The following CAP2 variants were observed in gnomAD, a reference collection of about 807,000 sequenced individuals.
CAP2 encodes cyclase associated actin cytoskeleton regulatory protein 2.
In CAP2, 24 loss-of-function variants were observed where a neutral mutation model predicts 57.7. The ratio of observed to expected loss-of-function variants is 0.42; its 90% CI spans 0.30 to 0.58. CAP2 has a LOEUF of 0.58. Ranked by LOEUF, CAP2 falls within the 20% of genes least tolerant of loss-of-function variation. The pLI is 0.22. For missense variants in CAP2, 501 were observed against 590.3 expected, an observed-to-expected ratio of 0.85 and a Z score of 1.57; for synonymous variants, 194 against 207.2, an observed-to-expected ratio of 0.94 and a Z score of 0.55.
chr6:17,547,643 C>T (rs931831732), intron 11 of CAP2, among the ~76,000 whole-genome samples: 12 of 152,088 alleles, frequency 7.9e-5, no homozygotes, highest in Admixed American at 5.2e-4. Context: ...AGATTGAGAC[C>T]ATCCTGGCTA....
chr6:17,526,875 G>A (rs1337181459), intron 7 of CAP2, among the ~76,000 whole-genome samples: 1 of 148,286 alleles, frequency 6.7e-6, no homozygotes, highest in African/African-American at 2.5e-5. Context: ...GAGAATCGCT[G>A]GAACCCAGGA....
At position 17,513,028 on chromosome 6, in the gene CAP2, C is replaced by A. The variant is rs1762193983; in HGVS notation, c.531-821C>A. 6.6e-6 allele frequency among the ~76,000 whole-genome samples: 1 copy of A among 152,104 alleles called. No individual in the cohort carries two copies. Among genetic ancestry groups the A allele is most frequent in the Admixed American group, 6.6e-5 (1 of 15,260 alleles). ...GTCATTATTTTTGCATTTACCTTGACTTCTATAAGTGAGAAAAAATATATT... is the reference window on the plus strand; with the variant it reads ...GTCATTATTTTTGCATTTACCTTGAATTCTATAAGTGAGAAAAAATATATT... On this transcript the variant is annotated intron_variant, in intron 6 of 12. Transcript: ENST00000229922. The surrounding 1 kb of genome is among the most constrained non-coding windows in gnomAD (Gnocchi z 4.3).
In CAP2 at chr6:17,543,088, T is replaced by C. The variant is rs1342941899; in HGVS notation, c.1154T>C (p.Phe385Ser). The change falls in exon 11 of 13, where the codon TTT (phenylalanine) becomes TCT (serine). Residue 385 changes from phenylalanine (F) to serine (S), a missense_variant. Physicochemically the swap from Phe to Ser is radical, Grantham distance 155. Coordinates refer to ENST00000229922, the MANE Select transcript of CAP2 (RefSeq NM_006366.3). ...AACTGTAAAAAACTCGGCCTGGTGT[T>C]TGACAATGTGGTGGGCATTGTGGAA... ...IDNCKKLGLV[F>S]DNVVGIVEVI... 3 of 1,614,144 alleles carry C rather than the reference T, an allele frequency of 1.9e-6. No individual in the cohort carries two copies. In the South Asian group the frequency reaches 3.3e-5, roughly 18 times the overall value.
Position 17,545,957 on chromosome 6 carries a change from G to A in CAP2, c.1209+2814G>A, listed in dbSNP as rs182299417. Among the ~76,000 whole-genome samples the A allele has an allele frequency of 2.0e-5, 3 of 152,274 alleles. No homozygotes were observed. In the East Asian group the frequency reaches 5.8e-4, roughly 29 times the overall value. The stretch of plus-strand genomic sequence containing the variant: ...CAGTCTATCATTGTTGGACATTTGG[G>A]TTGGTTCCAAGTCTTTGCTATTGCG... On this transcript the variant is annotated intron_variant, in intron 11 of 12. Transcript: ENST00000229922.
rs188535392 is a variant in CAP2, at chr6:17,439,727, A to G, written c.222+13037A>G. ...TGTTCACAATAGGGTTCATGCTCCTATGAGAATCTAATGCCATTGCTGATC... is the reference window on the plus strand; with the variant it reads ...TGTTCACAATAGGGTTCATGCTCCTGTGAGAATCTAATGCCATTGCTGATC... On this transcript the variant is annotated intron_variant, in intron 3 of 12. Coordinates refer to ENST00000229922, the MANE Select transcript of CAP2 (RefSeq NM_006366.3). Among the ~76,000 whole-genome samples, 849 of 151,592 alleles carry G rather than the reference A, an allele frequency of 5.6e-3. 8 individuals are homozygous for G. The highest frequency in any genetic ancestry group is 8.5e-3 in the Non-Finnish European group (581 of 68,002).
chr6:17,520,992 G>T (rs1581591307), intron 7 of CAP2, among the ~76,000 whole-genome samples: 1 of 152,350 alleles, frequency 6.6e-6, no homozygotes, highest in Admixed American at 6.5e-5. Flanking sequence ...CCTGGCCAGT[G>T]TACCTGACCA....
chr6:17,474,569 C>T (rs6939010), intron 4 of CAP2, among the ~76,000 whole-genome samples: 3,537 of 152,212 alleles, frequency 0.023, 132 homozygotes, highest in African/African-American at 0.076. Context: ...GCACTTAGCA[C>T]GTCTGCATCT....
At chr6:17,526,409 C>T (rs943469143) in intron 7 of CAP2, among the ~76,000 whole-genome samples, 3 of 151,980 alleles carry the variant, frequency 2.0e-5, no homozygotes, top group Non-Finnish European at 2.9e-5. Context: ...TCAGCCACCG[C>T]ACCCAGCCAA....
intron 3 of CAP2, among the ~76,000 whole-genome samples, chr6:17,438,894 C>T (rs1034010348): frequency 4.0e-5 from 6 of 150,272 alleles, no homozygotes; most frequent in South Asian, 2.1e-4. Context: ...GGGCAGATGA[C>T]GATGTCAGGA....
intron 1 of CAP2, among the ~76,000 whole-genome samples, chr6:17,395,510 A>C (rs1190955722): frequency 1.7e-4 from 26 of 152,196 alleles, no homozygotes; most frequent in Non-Finnish European, 7.4e-5. Flanking sequence ...TTCTAGTAGT[A>C]GTTTGCTACT....
chr6:17,499,613 C>G (rs1038549549), intron 4 of CAP2, among the ~76,000 whole-genome samples: 1 of 151,904 alleles, frequency 6.6e-6, no homozygotes, highest in Admixed American at 6.6e-5. Context: ...CTTTGAGAGG[C>G]TGGGGTGGGA....
chr6:17,466,303 G>A (rs1288859100), intron 4 of CAP2, among the ~76,000 whole-genome samples: 1 of 152,194 alleles, frequency 6.6e-6, no homozygotes, highest in African/African-American at 2.4e-5. Flanking sequence ...TAGCGTGCAT[G>A]ACAGTTCCCT....
At chr6:17,433,736 G>A (rs1379952257) in intron 3 of CAP2, among the ~76,000 whole-genome samples, 6 of 152,334 alleles carry the variant, frequency 3.9e-5, no homozygotes, top group African/African-American at 7.2e-5. Context: ...TCCCAAGAAC[G>A]TGGAGAAGTT....
chr6:17,454,967 A>G (rs1056107307), intron 3 of CAP2, among the ~76,000 whole-genome samples: 1 of 152,082 alleles, frequency 6.6e-6, no homozygotes, highest in African/African-American at 2.4e-5. Context: ...GCCCCTTCGG[A>G]TGGTATGAGT....
Position 17,507,177 on chromosome 6 carries a change from G to A in CAP2, c.309G>A (p.Val103=). 1 of 1,614,170 alleles carries A rather than the reference G, an allele frequency of 6.2e-7. No individual in the cohort carries two copies. The highest frequency in any genetic ancestry group is 8.5e-7 in the Non-Finnish European group (1 of 1,180,014). ...TGTTTGACTGCTTACAGAATGACGT[G>A]GCCGCACTTCTGAAACCCATATCGG... The part of the protein sequence containing the change: ...SQYQQPHEND[V]AALLKPISEK... Residue 103 remains valine, a synonymous_variant, in exon 5 of 13, where the codon GTG becomes GTA. Coordinates refer to ENST00000229922, the MANE Select transcript of CAP2 (RefSeq NM_006366.3).
Position 17,542,916 on chromosome 6 carries a change from A to T in CAP2, c.1082A>T (p.Lys361Ile). Residue 361 changes from lysine (K) to isoleucine (I), a missense_variant, in exon 10 of 13, where the codon AAA (lysine) becomes ATA (isoleucine). Physicochemically the swap from Lys to Ile is moderately radical, Grantham distance 102. Transcript: ENST00000229922. ...KQVAYIFKCE[K>I]STIQIKGKVN... ...GTGGCTTACATTTTCAAATGCGAAAAATCAACTATTCAGATAAAAGGGAAA... is the reference window on the plus strand; with the variant it reads ...GTGGCTTACATTTTCAAATGCGAAATATCAACTATTCAGATAAAAGGGAAA... 1 of 1,613,892 alleles carries T rather than the reference A, an allele frequency of 6.2e-7. No homozygotes were observed. The highest frequency in any genetic ancestry group is 8.5e-7 in the Non-Finnish European group (1 of 1,179,750).
Position 17,507,151 on chromosome 6 carries a change from A to G in CAP2, c.301-18A>G, listed in dbSNP as rs774711374. ...GCTCTGTCTGTAGTAAAAGCCCCCG[A>G]TGTTTGACTGCTTACAGAATGACGT... On this transcript the variant is annotated intron_variant, in intron 4 of 12. Coordinates refer to ENST00000229922, the MANE Select transcript of CAP2 (RefSeq NM_006366.3). 2 of 1,614,168 alleles carry G rather than the reference A, an allele frequency of 1.2e-6. No homozygotes were observed. Among genetic ancestry groups the G allele is most frequent in the South Asian group, 1.1e-5 (1 of 91,074 alleles).
chr6:17,497,870 A>C (rs1486391127), intron 4 of CAP2, among the ~76,000 whole-genome samples: 1 of 152,230 alleles, frequency 6.6e-6, no homozygotes, highest in Non-Finnish European at 1.5e-5. Context: ...GTTAATGTGA[A>C]GGGTTTTCTT....
intron 7 of CAP2, among the ~76,000 whole-genome samples, chr6:17,517,816 G>A (rs997476889): frequency 1.2e-4 from 18 of 152,084 alleles, no homozygotes; most frequent in African/African-American, 3.4e-4. Flanking sequence ...CAAGAGAATC[G>A]CTTGAACCCG....
Sources: gnomAD v4.1 joint callset for allele counts (sites outside exome capture counted in the v4.1 genomes callset) on GRCh38, gnomAD v4.1.1 for gene constraint, Gnocchi (gnomAD v3.1) non-coding constraint, MANE v1.5 for transcripts, NCBI Gene and HGNC (gene_info 2026-07-23, HGNC 2026-07-21) for gene names.